DPP10: variants seen among roughly 807,000 people sequenced by gnomAD.
DPP10 encodes dipeptidyl peptidase like 10.
DPP10 carries 33 observed loss-of-function variants against 120.9 expected under a neutral mutation model. The observed-to-expected ratio is 0.27, with a 90% CI of 0.21 to 0.37. The LOEUF (loss-of-function observed/expected upper bound fraction) is 0.37, where lower values mean the gene tolerates loss of function less well. Among genes scored for constraint, DPP10 ranks in the 10% least tolerant of loss-of-function variants. DPP10 has a pLI of 1.00. For missense variants in DPP10, 816 were observed against 942.8 expected, an observed-to-expected ratio of 0.87 and a Z score of 1.76; for synonymous variants, 337 against 326.1, an observed-to-expected ratio of 1.03 and a Z score of -0.36.
chr2:115,626,753 A>ACACATG (rs1241594638), intron 5 of DPP10, among the ~76,000 whole-genome samples: 4 of 152,108 alleles, frequency 2.6e-5, no homozygotes, highest in South Asian at 2.1e-4. Flanking sequence ...ACATACACAT[A>ACACATG]TTTAATACAA....
intron 1 of DPP10, among the ~76,000 whole-genome samples, chr2:115,059,627 T>C (rs543689924): frequency 4.4e-5 from 6 of 136,150 alleles, no homozygotes; most frequent in Non-Finnish European, 7.7e-5. Context: ...AAAACCAGAA[T>C]AGATTCTATT....
chr2:115,408,180 C>T, intron 3 of DPP10, among the ~76,000 whole-genome samples: 1 of 152,082 alleles, frequency 6.6e-6, no homozygotes, highest in Middle Eastern at 3.2e-3. Context: ...CTCTTACCCA[C>T]ATATGCCCCA....
chr2:115,500,497 A>G (rs2076629947), intron 4 of DPP10, among the ~76,000 whole-genome samples: 1 of 151,936 alleles, frequency 6.6e-6, no homozygotes, highest in Admixed American at 6.6e-5. Flanking sequence ...TTTATTATGG[A>G]ATGGCCCTAT....
Position 114,742,279 on chromosome 2 carries a change from A to T in DPP10, c.60+299441A>T, listed in dbSNP as rs566271189. ...ATACATAGCACAGCAAATTGCAAAAACTAATGTTGACTAATGTTAAAATAG... is the reference window on the plus strand; with the variant it reads ...ATACATAGCACAGCAAATTGCAAAATCTAATGTTGACTAATGTTAAAATAG... On this transcript the variant is annotated intron_variant, in intron 1 of 25. Transcript: ENST00000410059. Among the ~76,000 whole-genome samples, 170 of 152,326 alleles carry T rather than the reference A, an allele frequency of 1.1e-3. 1 individual carries two copies. The highest frequency in any genetic ancestry group is 3.7e-3 in the African/African-American group (154 of 41,584).
At chr2:114,903,944 G>T (rs954577434) in intron 1 of DPP10, among the ~76,000 whole-genome samples, 2 of 152,212 alleles carry the variant, frequency 1.3e-5, no homozygotes, top group East Asian at 3.9e-4. Context: ...AGAGCAGGAA[G>T]AATAAATTTG....
chr2:115,812,661 C>T (rs910542037), intron 19 of DPP10, among the ~76,000 whole-genome samples: 11 of 152,050 alleles, frequency 7.2e-5, no homozygotes, highest in African/African-American at 2.4e-4. Flanking sequence ...AGGTGGCAAA[C>T]ACTGTGGAAA....
intron 1 of DPP10, among the ~76,000 whole-genome samples, chr2:114,913,568 A>C (rs527932129): frequency 5.3e-4 from 81 of 152,320 alleles, no homozygotes; most frequent in Non-Finnish European, 9.0e-4. Context: ...AAAAGCAAAA[A>C]GCCCCATCCA....
At chr2:115,302,061 A>G (rs7586814) in intron 1 of DPP10, among the ~76,000 whole-genome samples, 151,250 of 152,100 alleles carry the variant, frequency 0.99, 75,205 homozygotes, top group East Asian at 1. Context: ...AAAACTTACC[A>G]TCATGGTGGA....
chr2:115,482,231 A>AAAAT (rs2075478781), intron 3 of DPP10, among the ~76,000 whole-genome samples: 1 of 151,826 alleles, frequency 6.6e-6, no homozygotes, highest in African/African-American at 2.4e-5. Context: ...TTATTTTTTA[A>AAAAT]AAATAATTTT....
At chr2:114,582,963 T>G (rs1573716469) in intron 1 of DPP10, among the ~76,000 whole-genome samples, 1 of 152,186 alleles carries the variant, frequency 6.6e-6, no homozygotes, top group African/African-American at 2.4e-5. Context: ...CATACATAGC[T>G]AAGTCCCATG....
intron 1 of DPP10, among the ~76,000 whole-genome samples, chr2:114,785,481 T>G (rs189972460): frequency 7.9e-5 from 12 of 152,146 alleles, no homozygotes; most frequent in Admixed American, 7.9e-4. Context: ...GGCAAGAAGA[T>G]AGTATCCTGA....
chr2:115,184,951 A>G (rs2054330159), intron 1 of DPP10, among the ~76,000 whole-genome samples: 1 of 152,240 alleles, frequency 6.6e-6, no homozygotes, highest in Non-Finnish European at 1.5e-5. Flanking sequence ...AAAGGATACA[A>G]TCATCATTGC....
intron 1 of DPP10, among the ~76,000 whole-genome samples, chr2:114,483,426 A>C (rs1268104274): frequency 1.3e-5 from 2 of 152,082 alleles, no homozygotes; most frequent in African/African-American, 4.8e-5. Context: ...ACCATAAAGT[A>C]TTCATGAATA....
intron 1 of DPP10, among the ~76,000 whole-genome samples, chr2:114,813,072 T>G (rs1685321285): frequency 6.6e-6 from 1 of 152,214 alleles, no homozygotes; most frequent in Non-Finnish European, 1.5e-5. Flanking sequence ...AGGAAGCTCC[T>G]CATCTTCGTT....
intron 1 of DPP10, among the ~76,000 whole-genome samples, chr2:114,872,505 G>C (rs1477018031): frequency 6.6e-6 from 1 of 152,138 alleles, no homozygotes; most frequent in African/African-American, 2.4e-5. Context: ...CCTTTTAGTA[G>C]GTGGCAGGTA....
At chr2:115,336,820 C>T (rs2063168067) in intron 2 of DPP10, among the ~76,000 whole-genome samples, 1 of 151,584 alleles carries the variant, frequency 6.6e-6, no homozygotes. Flanking sequence ...AAATGATTTA[C>T]AATCTAATAT....
At chr2:114,952,585 A>G (rs572822956) in intron 1 of DPP10, among the ~76,000 whole-genome samples, 3 of 145,326 alleles carry the variant, frequency 2.1e-5, no homozygotes, top group South Asian at 4.5e-4. Flanking sequence ...TAAAATATCT[A>G]TGCCAAATAG....
At chr2:114,539,075 A>G (rs1404809593) in intron 1 of DPP10, among the ~76,000 whole-genome samples, 1 of 151,924 alleles carries the variant, frequency 6.6e-6, no homozygotes, top group Non-Finnish European at 1.5e-5. Context: ...CATAACCTTT[A>G]ATTGCCACAT....
intron 1 of DPP10, among the ~76,000 whole-genome samples, chr2:114,928,822 C>A (rs1383641655): frequency 1.3e-5 from 2 of 152,188 alleles, no homozygotes; most frequent in Non-Finnish European, 2.9e-5. Context: ...ACAGACATAG[C>A]ACGAGGTGTA....
Sources: allele counts gnomAD v4.1 joint callset (sites outside exome capture counted in the v4.1 genomes callset), GRCh38; gene constraint gnomAD v4.1.1; transcripts MANE v1.5; gene names NCBI Gene and HGNC (gene_info 2026-07-23, HGNC 2026-07-21).